Variants in CNTNAP2 observed in about 807,000 individuals in gnomAD.
CNTNAP2 encodes contactin associated protein 2.
CNTNAP2 carries 98 observed loss-of-function variants against 155.2 expected under a neutral mutation model. The observed-to-expected ratio is 0.63, with a 90% CI of 0.54 to 0.75. The LOEUF is 0.75. Among genes scored for constraint, CNTNAP2 ranks in the 30% least tolerant of loss-of-function variants. The pLI, the probability that CNTNAP2 is intolerant of heterozygous loss-of-function variation, is 0.00. For missense variants in CNTNAP2, 1,727 were observed against 1,688.1 expected (o/e 1.02, Z -0.40); for synonymous variants, 651 against 631.2 (o/e 1.03, Z -0.47).
intron 1 of CNTNAP2, among the ~76,000 whole-genome samples, chr7:146,503,480 A>G (rs532986350): frequency 6.6e-6 from 1 of 152,202 alleles, no homozygotes; most frequent in Admixed American, 6.5e-5. Context: ...TAGCCAAAAG[A>G]TTGTATACCT....
chr7:146,141,348 T>C lies in CNTNAP2; in HGVS notation c.97+24375T>C, dbSNP rs114432492. Among the ~76,000 whole-genome samples the C allele has an allele frequency of 1.6e-3, 227 of 143,078 alleles. 1 individual carries two copies. Among genetic ancestry groups the C allele is most frequent in the African/African-American group, 5.6e-3 (216 of 38,568 alleles). The allele number at this position is 143,078 out of a possible 152,430, so 93.9% of individuals were successfully genotyped here. A position where few individuals can be genotyped will look rare whatever the true frequency, so the allele number is the denominator to read the frequency against. ...TTATTCGTGTAGATCACTATCCTTT[T>C]ATTGCATTGAAACAATGTTTAAATT... On this transcript the variant is annotated intron_variant, in intron 1 of 23. Coordinates refer to ENST00000361727, the MANE Select transcript of CNTNAP2 (RefSeq NM_014141.6).
chr7:147,656,057 C>T (rs1795520867), intron 13 of CNTNAP2, among the ~76,000 whole-genome samples: 1 of 152,230 alleles, frequency 6.6e-6, no homozygotes, highest in Admixed American at 6.5e-5. Context: ...TCCTAAATCT[C>T]ATGAACCAAC....
chr7:146,741,899 T>C (rs539960878), intron 1 of CNTNAP2, among the ~76,000 whole-genome samples: 2 of 151,866 alleles, frequency 1.3e-5, no homozygotes, highest in Admixed American at 6.6e-5. Context: ...ATATAAAAAA[T>C]TGGAAGGAAA....
chr7:147,027,638 C>T (rs1448101073), intron 3 of CNTNAP2, among the ~76,000 whole-genome samples: 1 of 152,082 alleles, frequency 6.6e-6, no homozygotes, highest in African/African-American at 2.4e-5. Context: ...AAAGATTTCC[C>T]TTTTGGACAG....
intron 8 of CNTNAP2, among the ~76,000 whole-genome samples, chr7:147,166,323 T>C (rs1321417044): frequency 6.6e-6 from 1 of 152,124 alleles, no homozygotes. Context: ...TTCTCACTCA[T>C]AAGTTGGAGC....
intron 15 of CNTNAP2, among the ~76,000 whole-genome samples, chr7:148,058,271 A>T (rs1435328245): frequency 2.0e-5 from 3 of 151,934 alleles, no homozygotes; most frequent in Non-Finnish European, 2.9e-5. Context: ...CAAAGCTCAG[A>T]CTCTCCCAGA....
At chr7:147,023,015 T>C (rs1798842522) in intron 3 of CNTNAP2, among the ~76,000 whole-genome samples, 1 of 152,182 alleles carries the variant, frequency 6.6e-6, no homozygotes, top group South Asian at 2.1e-4. Flanking sequence ...TTTGAAGAGA[T>C]GATTTTTAAA....
intron 1 of CNTNAP2, among the ~76,000 whole-genome samples, chr7:146,451,538 C>T (rs1796480616): frequency 6.6e-6 from 1 of 152,134 alleles, no homozygotes; most frequent in African/African-American, 2.4e-5. Context: ...ATAGGCTGCA[C>T]ATTAGGTATA....
intron 15 of CNTNAP2, among the ~76,000 whole-genome samples, chr7:148,015,552 A>G (rs1053479872): frequency 6.6e-6 from 1 of 152,350 alleles, no homozygotes. Flanking sequence ...CCAGATGTAC[A>G]GTATGATTTG....
intron 13 of CNTNAP2, among the ~76,000 whole-genome samples, chr7:147,654,276 A>T (rs866322093): frequency 2.0e-5 from 3 of 152,334 alleles, no homozygotes; most frequent in Middle Eastern, 3.4e-3. Context: ...AAATTATAAT[A>T]TACTTTTTTG....
At chr7:146,723,687 CAGT>C (rs1306907447) in intron 1 of CNTNAP2, among the ~76,000 whole-genome samples, 3 of 152,110 alleles carry the variant, frequency 2.0e-5, no homozygotes, top group African/African-American at 7.2e-5. Context: ...GCAGTTCAAT[CAGT>C]AGTTTTCTTA....
At chr7:146,200,250 C>T (rs1798838251) in intron 1 of CNTNAP2, among the ~76,000 whole-genome samples, 1 of 152,098 alleles carries the variant, frequency 6.6e-6, no homozygotes, top group Admixed American at 6.6e-5. Context: ...AATTCCAGCA[C>T]TTTGGGAGGC....
intron 2 of CNTNAP2, among the ~76,000 whole-genome samples, chr7:146,808,966 G>T (rs2129193247): frequency 6.6e-6 from 1 of 152,302 alleles, no homozygotes; most frequent in East Asian, 1.9e-4. Flanking sequence ...CTATACACCT[G>T]TTGATGGACA....
At chr7:147,280,649 C>A (rs567503976) in intron 8 of CNTNAP2, among the ~76,000 whole-genome samples, 4 of 151,782 alleles carry the variant, frequency 2.6e-5, no homozygotes, top group Admixed American at 2.0e-4. Flanking sequence ...CTTAATGAAG[C>A]TATTCATTGC....
At chr7:147,283,153 AC>A (rs1805083724) in intron 8 of CNTNAP2, among the ~76,000 whole-genome samples, 1 of 151,682 alleles carries the variant, frequency 6.6e-6, no homozygotes, top group South Asian at 2.1e-4. Flanking sequence ...ACACATCTAT[AC>A]CCCCATCTAA....
chr7:147,920,149 G>A (rs1684721230), intron 14 of CNTNAP2, among the ~76,000 whole-genome samples: 1 of 151,620 alleles, frequency 6.6e-6, no homozygotes, highest in Admixed American at 6.6e-5. Context: ...ACCAGGTCAG[G>A]GGTTAGAGAC....
chr7:147,092,942 G>A (rs1233939467), intron 4 of CNTNAP2, among the ~76,000 whole-genome samples: 1 of 152,110 alleles, frequency 6.6e-6, no homozygotes, highest in African/African-American at 2.4e-5. Flanking sequence ...AAGGGGTATG[G>A]CCGGGCGCGG....
intron 20 of CNTNAP2, among the ~76,000 whole-genome samples, chr7:148,257,140 C>G (rs567683096): frequency 1.3e-5 from 2 of 152,032 alleles, no homozygotes; most frequent in Admixed American, 1.3e-4. Context: ...AAGGTCTAGG[C>G]GAGGGCACTG....
At chr7:147,486,119 C>T in intron 11 of CNTNAP2, 78 bp downstream of exon 11, 1 of 1,198,208 alleles carries the variant, frequency 8.3e-7, no homozygotes, top group Non-Finnish European at 1.2e-6. Flanking sequence ...TGAAGCTCAG[C>T]AACCTGAATA....
Sources: allele counts gnomAD v4.1 joint callset (sites outside exome capture counted in the v4.1 genomes callset), GRCh38; gene constraint gnomAD v4.1.1; transcripts MANE v1.5; gene names NCBI Gene and HGNC (gene_info 2026-07-23, HGNC 2026-07-21).